Variants in MILR1 observed in about 807,000 individuals in gnomAD.
MILR1 encodes the protein mast cell immunoglobulin like receptor 1.
Under a neutral mutation model 18.5 loss-of-function variants are expected in MILR1, and 31 were observed. The observed-to-expected ratio is 1.68, with a 90% CI of 1.26 to 2.26. The LOEUF (loss-of-function observed/expected upper bound fraction) is 2.26, where lower values mean the gene tolerates loss of function less well. Among genes scored for constraint, MILR1 ranks in the 30% most tolerant of loss-of-function variants. The pLI, the probability that MILR1 is intolerant of heterozygous loss-of-function variation, is 0.00. For missense variants in MILR1, 257 were observed against 157.4 expected (o/e 1.63, Z -3.38); for synonymous variants, 85 against 56.2 (o/e 1.51, Z -2.30).
At chr17:64,455,734 T>A (rs2037282249) in intron 3 of MILR1, among the ~76,000 whole-genome samples, 1 of 148,950 alleles carries the variant, frequency 6.7e-6, no homozygotes, top group South Asian at 2.3e-4. Context: ...TGCTCACTCA[T>A]CAAATGTTTA....
chr17:64,467,076 CTCTT>C (rs1203248911), intron 8 of MILR1, among the ~76,000 whole-genome samples: 1 of 140,348 alleles, frequency 7.1e-6, no homozygotes, highest in Non-Finnish European at 1.6e-5. Context: ...CTCTCTCTCT[CTCTT>C]TCTTTTTCTC....
the MILR1 span, among the ~76,000 whole-genome samples, chr17:64,491,176 G>A: frequency 6.6e-6 from 1 of 152,106 alleles, no homozygotes; most frequent in South Asian, 2.1e-4. Context: ...AGGTTAGAGT[G>A]CAGTGGCTAG....
At position 64,457,454 on chromosome 17, in the gene MILR1, G is replaced by C. The variant is rs1470389378; in HGVS notation, c.422G>C (p.Arg141Pro). 2.1e-6 allele frequency: 1 copy of C among 475,324 alleles called. No individual in the cohort carries two copies. The highest frequency in any genetic ancestry group is 3.9e-6 in the Non-Finnish European group (1 of 259,060). The allele number at this position is 475,324 out of a possible 1,614,324, so 29.4% of individuals were successfully genotyped here. Residue 141 changes from arginine (R) to proline (P), a missense_variant, in exon 4 of 10, where the codon CGA becomes CCA. Arg to Pro is a moderately radical substitution (Grantham distance 103). Transcript: ENST00000619286. ...ATGGTCATTCAAACAGAAACAGACC[G>C]ACATATAACATTACATTGCCTCTCA... ...NIMVIQTETD[R>P]HITLHCLSVN... is the part of the protein sequence containing the mutation.
At chr17:64,459,992 TTTTA>T (rs202053813) in intron 4 of MILR1, among the ~76,000 whole-genome samples, 36,293 of 124,376 alleles carry the variant, frequency 0.29, 5,246 homozygotes, top group African/African-American at 0.37. Context: ...TTTTATTTTA[TTTTA>T]TTTATTTATT....
At chr17:64,471,793 A>C (rs150803456), downstream of MILR1, among the ~76,000 whole-genome samples, 569 of 152,372 alleles carry the variant, frequency 3.7e-3, 1 homozygote, top group African/African-American at 0.013. Context: ...CTCTACAAAC[A>C]TATTTGTATG....
At chr17:64,480,669 A>G in the MILR1 span, among the ~76,000 whole-genome samples, 1 of 152,334 alleles carries the variant, frequency 6.6e-6, no homozygotes. Flanking sequence ...CCTTAGTATC[A>G]TTCAAAACAC....
downstream of MILR1, among the ~76,000 whole-genome samples, chr17:64,473,559 CTG>C (rs2037724478): frequency 2.6e-5 from 4 of 152,154 alleles, no homozygotes; most frequent in South Asian, 6.2e-4. Flanking sequence ...GAGACAGTAA[CTG>C]AGATCTGCAG....
the MILR1 span, chr17:64,490,559 T>C: frequency 2.7e-5 from 14 of 514,598 alleles, no homozygotes; most frequent in Non-Finnish European, 3.9e-5. Context: ...CTTGGACCTA[T>C]AAATGCCATT....
At chr17:64,463,816 A>C in intron 5 of MILR1, among the ~76,000 whole-genome samples, 1 of 130,252 alleles carries the variant, frequency 7.7e-6, no homozygotes, top group African/African-American at 3.1e-5. Flanking sequence ...ACTCCTGGCT[A>C]ATTTTTTTTT....
chr17:64,457,217 C>T (rs890293529), intron 3 of MILR1, among the ~76,000 whole-genome samples, 183 bp from the exon 4 acceptor site: 5 of 152,292 alleles, frequency 3.3e-5, no homozygotes, highest in East Asian at 3.9e-4. Flanking sequence ...ACACACTGCA[C>T]GGGGTTGGCC....
chr17:64,453,536 CTTTTT>C (rs35572128), intron 3 of MILR1, among the ~76,000 whole-genome samples: 6,357 of 101,056 alleles, frequency 0.063, 497 homozygotes, highest in African/African-American at 0.21. Flanking sequence ...GCAAAAATCG[CTTTTT>C]TTTTTTTTTT....
chr17:64,452,829 T>C lies in MILR1; in HGVS notation c.330T>C (p.Cys110=). 6.3e-6 allele frequency: 3 copies of C among 475,212 alleles called. No homozygotes were observed. Among genetic ancestry groups the C allele is most frequent in the Non-Finnish European group, 1.2e-5 (3 of 259,004 alleles). The allele number at this position is 475,212 out of a possible 1,614,324, so 29.4% of individuals were successfully genotyped here. The change falls in exon 3 of 10, where the codon TGT becomes TGC. Residue 110 remains cysteine (C), a synonymous_variant. Coordinates refer to ENST00000619286, the MANE Select transcript of MILR1 (RefSeq NM_001085423.2). ...PYKCKAQVTS[C]SKYSRDFSFT... ...AATGCAAAGCCCAAGTTACCAGCTG[T>C]TCAAAATACAGTCGTGACTTCAGCT...
At chr17:64,467,680 C>A in intron 9 of MILR1, 35 bp downstream of exon 9, 1 of 1,345,872 alleles carries the variant, frequency 7.4e-7, no homozygotes, top group Non-Finnish European at 1.0e-6. Context: ...TTTCCATGAA[C>A]AAAAAGCAAA....
chr17:64,477,685 T>TA, the MILR1 span: 2 of 984,418 alleles, frequency 2.0e-6, no homozygotes, highest in African/African-American at 1.6e-5. Context: ...ATGAAAGACA[T>TA]AAAAAATATA....
intron 6 of MILR1, 72 bp from the exon 7 acceptor site, chr17:64,466,370 G>C: frequency 1.5e-6 from 2 of 1,326,208 alleles, no homozygotes; most frequent in Non-Finnish European, 2.1e-6. Flanking sequence ...CAGACGCATT[G>C]CTGAGCAATT....
the MILR1 span, chr17:64,480,297 A>T: frequency 6.6e-7 from 1 of 1,510,874 alleles, no homozygotes; most frequent in Non-Finnish European, 9.2e-7. Flanking sequence ...ACTTCGAATA[A>T]AGTTGTTCCA....
chr17:64,452,713 C>T lies in MILR1; in HGVS notation c.214C>T (p.Arg72Cys), dbSNP rs2037201468. 6.3e-6 allele frequency: 3 copies of T among 475,136 alleles called. No homozygotes were observed. Among genetic ancestry groups the T allele is most frequent in the Admixed American group, 6.3e-5 (2 of 31,698 alleles). 29.4% of individuals were successfully genotyped at this position (475,136 alleles called of 1,614,324 possible). Residue 72 changes from arginine to cysteine, a missense_variant, in exon 3 of 10, where the codon CGT becomes TGT. Arg to Cys is a radical substitution (Grantham distance 180, BLOSUM62 -3). Transcript: ENST00000619286. ...GCAGATCACCTATTCATTGTTTCGACGTAAGACACACCTGGGAACCCAGGA... is the reference window on the plus strand; with the variant it reads ...GCAGATCACCTATTCATTGTTTCGATGTAAGACACACCTGGGAACCCAGGA... ...SLQITYSLFR[R>C]KTHLGTQDGK...
the MILR1 span, chr17:64,496,359 G>GCT: frequency 7.9e-7 from 1 of 1,267,004 alleles, no homozygotes; most frequent in South Asian, 1.4e-5. Flanking sequence ...AGACTGCCTC[G>GCT]CCTTTCCACC....
chr17:64,491,633 G>A, the MILR1 span: 7,293 of 1,496,860 alleles, frequency 4.9e-3, 284 homozygotes, highest in African/African-American at 0.09. Context: ...TTGATGGAGC[G>A]TTTCAAAGAG....
Sources: allele counts gnomAD v4.1 joint callset (sites outside exome capture counted in the v4.1 genomes callset), GRCh38; gene constraint gnomAD v4.1.1; transcripts MANE v1.5; gene names NCBI Gene and HGNC (gene_info 2026-07-23, HGNC 2026-07-21).